Variants in ATXN10 observed in about 807,000 individuals in gnomAD.
The protein encoded by ATXN10 is ataxin 10.
Under a neutral mutation model 52.9 loss-of-function variants are expected in ATXN10, and 28 were observed. That is an observed-to-expected ratio of 0.53 (90% CI 0.39 to 0.73). The LOEUF (loss-of-function observed/expected upper bound fraction) is 0.73. Among genes scored for constraint, ATXN10 ranks in the 30% least tolerant of loss-of-function variants. ATXN10 has a pLI of 0.00. For missense variants in ATXN10, 565 were observed against 577.0 expected (o/e 0.98, Z 0.21); for synonymous variants, 226 against 221.5 (o/e 1.02, Z -0.18).
chr22:45,800,194 T>C (rs1470165881), intron 9 of ATXN10, among the ~76,000 whole-genome samples: 1 of 152,168 alleles, frequency 6.6e-6, no homozygotes, highest in African/African-American at 2.4e-5. Flanking sequence ...AAACAAGCCA[T>C]GGTATACGAG....
intron 1 of ATXN10, 176 bp from the exon 2 acceptor site, chr22:45,689,536 G>A (rs1923283898): frequency 1.6e-6 from 1 of 631,544 alleles, no homozygotes; most frequent in African/African-American, 1.8e-5. Flanking sequence ...AGTGTCTGGT[G>A]CATAGTAAGT....
At chr22:45,800,890 G>T (rs1393542099) in intron 9 of ATXN10, among the ~76,000 whole-genome samples, 1 of 152,238 alleles carries the variant, frequency 6.6e-6, no homozygotes, top group Non-Finnish European at 1.5e-5. Flanking sequence ...AGATGGGGCA[G>T]GGGCGAGGTG....
chr22:45,764,602 G>A (rs776064228), intron 9 of ATXN10, among the ~76,000 whole-genome samples: 1 of 152,308 alleles, frequency 6.6e-6, no homozygotes, highest in South Asian at 2.1e-4. Context: ...AGCTAAGATA[G>A]AGTTTTCTCT....
chr22:45,735,365 C>T (rs1299147181), intron 7 of ATXN10, among the ~76,000 whole-genome samples: 2 of 151,804 alleles, frequency 1.3e-5, no homozygotes, highest in East Asian at 3.9e-4. Flanking sequence ...GCAGTCGTAG[C>T]TTGCTATATT....
intron 9 of ATXN10, among the ~76,000 whole-genome samples, chr22:45,794,691 GA>G (rs1298120313): frequency 2.0e-5 from 3 of 151,972 alleles, no homozygotes; most frequent in African/African-American, 7.3e-5. Context: ...AATACTAAAG[GA>G]AAACTGTTAA....
rs1267033370 is a variant in ATXN10 at position 45,757,813 on chromosome 22, T to G, written c.1173+17275T>G. ...AATTATTCTCTATTAGTACTTTTCT[T>G]ACATGATTCAACTTGGACTTATTAG... On this transcript the variant is annotated intron_variant, in intron 9 of 11. Coordinates refer to ENST00000252934, the MANE Select transcript of ATXN10 (RefSeq NM_013236.4). The surrounding 1 kb of genome is among the most constrained non-coding windows in gnomAD (Gnocchi z 4.6). Among the ~76,000 whole-genome samples, 3 of 152,212 alleles carry G rather than the reference T, an allele frequency of 2.0e-5. No homozygotes were observed. The East Asian group carries it at 5.8e-4, about 29-fold the overall frequency.
intron 10 of ATXN10, among the ~76,000 whole-genome samples, chr22:45,834,121 G>A (rs182726122): frequency 3.5e-4 from 53 of 152,306 alleles, no homozygotes; most frequent in African/African-American, 1.1e-3. Flanking sequence ...AGTTTTACTC[G>A]TGTTACTATT....
rs945162772 is a variant in ATXN10, at chr22:45,835,606, C to G, written c.1238-7385C>G. 6.6e-6 allele frequency among the ~76,000 whole-genome samples: 1 copy of G among 152,204 alleles called. No homozygotes were observed. Among genetic ancestry groups the G allele is most frequent in the Non-Finnish European group, 1.5e-5 (1 of 68,034 alleles). On this transcript the variant is annotated intron_variant, in intron 10 of 11. Transcript: ENST00000252934. This position sits in a 1 kb window ranked among gnomAD's most constrained non-coding sequence, Gnocchi z 5.0. ...GTGGACAGAGGTGTGAAATGTAGTT[C>G]TGTCAAACTCAGCAGTGTTTTATGG...
chr22:45,829,440 T>C (rs1928919307), intron 10 of ATXN10, among the ~76,000 whole-genome samples: 1 of 152,158 alleles, frequency 6.6e-6, no homozygotes, highest in South Asian at 2.1e-4. Flanking sequence ...TAAAATTATC[T>C]TTTCACAGAT....
intron 3 of ATXN10, among the ~76,000 whole-genome samples, chr22:45,694,651 G>A (rs549891693): frequency 2.0e-5 from 3 of 151,968 alleles, no homozygotes; most frequent in Non-Finnish European, 4.4e-5. Flanking sequence ...GTGTGATGGC[G>A]CATGCTTGTG....
At position 45,718,396 on chromosome 22, in the gene ATXN10, T is replaced by A. The variant is rs1464925084; in HGVS notation, c.648-17T>A. 3 of 1,601,614 alleles carry A rather than the reference T, an allele frequency of 1.9e-6. No homozygotes were observed. Among genetic ancestry groups the A allele is most frequent in the Non-Finnish European group, 2.6e-6 (3 of 1,168,634 alleles). ...TATGTTTCAAGTAACCAAACTTTCCTCCTCTTTTTTCCCTAGGTTCTTGAT... is the reference window on the plus strand; with the variant it reads ...TATGTTTCAAGTAACCAAACTTTCCACCTCTTTTTTCCCTAGGTTCTTGAT... On this transcript the variant is annotated splice_polypyrimidine_tract_variant and intron_variant, in intron 5 of 11. Coordinates refer to ENST00000252934, the MANE Select transcript of ATXN10 (RefSeq NM_013236.4). The surrounding 1 kb of genome is among the most constrained non-coding windows in gnomAD (Gnocchi z 4.4).
At chr22:45,689,509 T>G in intron 1 of ATXN10, 26 of 599,954 alleles carry the variant, frequency 4.3e-5, no homozygotes, top group Non-Finnish European at 5.6e-5. Flanking sequence ...AGATAATACA[T>G]GAGAAGTGAC....
chr22:45,740,389 G>A lies in ATXN10; in HGVS notation c.1024G>A (p.Val342Ile), dbSNP rs755171683. Residue 342 changes from valine (V) to isoleucine (I), a missense_variant, in exon 9 of 12, where the codon GTA becomes ATA. Transcript: ENST00000252934. ...TATAGATCTTTTGCGGGTGATTCAT[G>A]TAGCTGGAAAAGAAACCACAAACAT... ...RVIDLLRVIHVAGKETTNIFS... is the reference protein window; with the variant it reads ...RVIDLLRVIHIAGKETTNIFS... 8 of 1,613,884 alleles carry A rather than the reference G, an allele frequency of 5.0e-6. No homozygotes were observed. The highest frequency in any genetic ancestry group is 6.8e-6 in the Non-Finnish European group (8 of 1,179,898).
chr22:45,832,854 A>G (rs1007293655), intron 10 of ATXN10, among the ~76,000 whole-genome samples: 64 of 152,398 alleles, frequency 4.2e-4, no homozygotes, highest in African/African-American at 1.5e-3. Context: ...TCAGTACTTC[A>G]GAAATTTTTT....
At chr22:45,802,829 A>G (rs1301329980) in intron 9 of ATXN10, among the ~76,000 whole-genome samples, 1 of 151,990 alleles carries the variant, frequency 6.6e-6, no homozygotes, top group Non-Finnish European at 1.5e-5. Flanking sequence ...TTTTTTTTGT[A>G]GAAAGTGAGG....
intron 10 of ATXN10, among the ~76,000 whole-genome samples, chr22:45,838,393 G>T (rs1929235853): frequency 6.6e-6 from 1 of 152,192 alleles, no homozygotes; most frequent in Non-Finnish European, 1.5e-5. Context: ...GAGCTGGCCA[G>T]CACTATCAAG....
At chr22:45,755,371 T>A (rs957446297) in intron 9 of ATXN10, among the ~76,000 whole-genome samples, 1 of 152,226 alleles carries the variant, frequency 6.6e-6, no homozygotes, top group Non-Finnish European at 1.5e-5. Flanking sequence ...CATACTTGTA[T>A]GGATGTATTT....
rs135993 is a variant in ATXN10 at position 45,780,086 on chromosome 22, C to CTT, written c.1174-26859_1174-26858dup. Among the ~76,000 whole-genome samples the CTT allele has an allele frequency of 7.2e-6, 1 of 138,606 alleles. No individual in the cohort carries two copies. The highest frequency in any genetic ancestry group is 1.6e-5 in the Non-Finnish European group (1 of 63,230). 90.9% of individuals were successfully genotyped at this position (138,606 alleles called of 152,430 possible). ...CAAACAAAAAGGCAGACTGCATCATCTTTTTTTTTTTTTTTGAGACGGAGT... is the reference window on the plus strand; with the variant it reads ...CAAACAAAAAGGCAGACTGCATCATCTTTTTTTTTTTTTTTTTGAGACGGAGT... On this transcript the variant is annotated intron_variant, in intron 9 of 11. Coordinates refer to ENST00000252934, the MANE Select transcript of ATXN10 (RefSeq NM_013236.4). The surrounding 1 kb of genome is among the most constrained non-coding windows in gnomAD (Gnocchi z 4.0).
chr22:45,706,502 T>A (rs1924046387), intron 5 of ATXN10, among the ~76,000 whole-genome samples: 1 of 152,214 alleles, frequency 6.6e-6, no homozygotes, highest in Admixed American at 6.5e-5. Flanking sequence ...GTTACTGATA[T>A]GAGATCTTCT....
Sources: allele counts gnomAD v4.1 joint callset (sites outside exome capture counted in the v4.1 genomes callset), GRCh38; gene constraint gnomAD v4.1.1; non-coding constraint Gnocchi (gnomAD v3.1); transcripts MANE v1.5; gene names NCBI Gene and HGNC (gene_info 2026-07-23, HGNC 2026-07-21).